Variants in RAD17 observed in about 807,000 individuals in gnomAD.
RAD17 encodes RAD17 checkpoint clamp loader component, also known as cell cycle checkpoint protein RAD17.
RAD17 carries 31 observed loss-of-function variants against 81.5 expected under a neutral mutation model. The ratio of observed to expected loss-of-function variants is 0.38; its 90% CI spans 0.29 to 0.51. RAD17 has a LOEUF of 0.51. Ranked by LOEUF, RAD17 falls within the 20% of genes least tolerant of loss-of-function variation. The pLI, the probability that RAD17 is intolerant of heterozygous loss-of-function variation, is 0.88. For missense variants in RAD17, 681 were observed against 781.2 expected (o/e 0.87, Z 1.53); for synonymous variants, 261 against 266.2 (o/e 0.98, Z 0.19).
At chr5:69,399,605 G>A (rs1765124519) in intron 16 of RAD17, among the ~76,000 whole-genome samples, 1 of 151,892 alleles carries the variant, frequency 6.6e-6, no homozygotes, top group Non-Finnish European at 1.5e-5. Context: ...TATTAATTTT[G>A]CATTGTTGCT....
In RAD17 at chr5:69,369,858, G is replaced by C; in HGVS notation, c.-492G>C. The C allele has an allele frequency of 1.4e-6, 1 of 720,058 alleles. No homozygotes were observed. The highest frequency in any genetic ancestry group is 2.3e-6 in the Non-Finnish European group (1 of 433,322). 44.6% of individuals were successfully genotyped at this position (720,058 alleles called of 1,614,324 possible). A position where few individuals can be genotyped will look rare whatever the true frequency, so the allele number is the denominator to read the frequency against. Reference sequence around the variant, plus strand: ...TCGGCGTTGAGCCCGGGTAGGGCCAGGTGGCTGCCCTTTCACCTAGGGTAG... The same window carrying C: ...TCGGCGTTGAGCCCGGGTAGGGCCACGTGGCTGCCCTTTCACCTAGGGTAG... On this transcript the variant is annotated 5_prime_UTR_variant, in exon 1 of 19. Coordinates refer to ENST00000354868, the MANE Select transcript of RAD17 (RefSeq NM_133338.3).
At chr5:69,396,901 C>T (rs577793854) in intron 16 of RAD17, among the ~76,000 whole-genome samples, 44 of 152,238 alleles carry the variant, frequency 2.9e-4, no homozygotes, top group African/African-American at 7.9e-4. Context: ...GGCATGATCT[C>T]GGCTCACTGC....
intron 17 of RAD17, among the ~76,000 whole-genome samples, chr5:69,401,203 CTCAGAAAAAAGAAAAAAGTT>C (rs1765243910): frequency 6.6e-6 from 1 of 152,122 alleles, no homozygotes; most frequent in Non-Finnish European, 1.5e-5. Context: ...GCAAGACTGT[CTCAGAAAAAAGAAAAAAGTT>C]TCTAAAGTAA....
At chr5:69,387,734 A>G (rs1580390135) in intron 11 of RAD17, among the ~76,000 whole-genome samples, 1 of 152,022 alleles carries the variant, frequency 6.6e-6, no homozygotes. Flanking sequence ...GCGGGTACCT[A>G]TAATCCCAGC....
At chr5:69,403,325 C>T (rs1244364548) in intron 17 of RAD17, among the ~76,000 whole-genome samples, 1 of 152,100 alleles carries the variant, frequency 6.6e-6, no homozygotes, top group Non-Finnish European at 1.5e-5. Flanking sequence ...TACGATCCCT[C>T]AATTTGGGTT....
rs143837506 is a variant in RAD17 at position 69,384,860 on chromosome 5, G to C, written c.572G>C (p.Arg191Thr). 1.7e-4 allele frequency: 279 copies of C among 1,612,280 alleles called. No homozygotes were observed. Among genetic ancestry groups the C allele is most frequent in the Non-Finnish European group, 2.2e-4 (259 of 1,178,840 alleles). The change falls in exon 8 of 19, where the codon AGA becomes ACA. Residue 191 changes from arginine to threonine, a missense_variant. Physicochemically the swap from Arg to Thr is moderately conservative, Grantham distance 71. Transcript: ENST00000354868. Reference protein sequence around the residue: ...QIAVFKEFLLRATKYNKLQML... With the variant: ...QIAVFKEFLLTATKYNKLQML... ...GCAGTTTTCAAAGAGTTTCTACTAA[G>C]AGCGACAAAGTATAACAAGTTACAA...
At chr5:69,381,038 G>C (rs953603825) in intron 6 of RAD17, among the ~76,000 whole-genome samples, 15 of 151,832 alleles carry the variant, frequency 9.9e-5, no homozygotes, top group African/African-American at 3.6e-4. Context: ...CAAAATGCTG[G>C]GATTACAGGT....
At chr5:69,385,195 C>T (rs1393557636) in intron 8 of RAD17, among the ~76,000 whole-genome samples, 3 of 150,732 alleles carry the variant, frequency 2.0e-5, no homozygotes, top group South Asian at 2.1e-4. Flanking sequence ...CTCCTGACCT[C>T]ATGATATGCC....
In RAD17 at chr5:69,414,265, A is replaced by G. The variant is rs979476567; in HGVS notation, c.1986A>G (p.Ile662Met). The part of the protein sequence containing the change: ...AQGDMEENII[I>M]EDYESDGT ...GAGACATGGAAGAAAACATAATAATAGAAGACTACGAGAGTGATGGGACAT... is the reference window on the plus strand; with the variant it reads ...GAGACATGGAAGAAAACATAATAATGGAAGACTACGAGAGTGATGGGACAT... The change falls in exon 19 of 19, where the codon ATA becomes ATG. Residue 662 changes from isoleucine to methionine, a missense_variant. Transcript: ENST00000354868. 4 of 1,614,066 alleles carry G rather than the reference A, an allele frequency of 2.5e-6. No individual in the cohort carries two copies. The African/African-American group carries it at 4.0e-5, about 16-fold the overall frequency.
intron 6 of RAD17, among the ~76,000 whole-genome samples, chr5:69,381,061 G>A (rs1250369234): frequency 6.6e-6 from 1 of 151,972 alleles, no homozygotes; most frequent in Non-Finnish European, 1.5e-5. Flanking sequence ...GAGCCGCCGT[G>A]CTCTTCCCAA....
rs1764387907 is a variant in RAD17, at chr5:69,389,081, C to G, written c.942C>G (p.Leu314=). 6.4e-7 allele frequency: 1 copy of G among 1,559,532 alleles called. No individual in the cohort carries two copies. Among genetic ancestry groups the G allele is most frequent in the Non-Finnish European group, 8.7e-7 (1 of 1,153,364 alleles). ...TVPDKTSLEL[L]CQGCSGDIRS... ...CTGACAAAACTTCTCTAGAGTTGCT[C>G]TGTCAGGGATGTTCTGGTGATATCA... is the stretch of plus-strand genomic sequence containing the variant. Residue 314 remains leucine (L), a synonymous_variant, in exon 12 of 19, where the codon CTC becomes CTG. Transcript: ENST00000354868.
chr5:69,387,473 A>T (rs530840796), intron 11 of RAD17, among the ~76,000 whole-genome samples: 3 of 152,078 alleles, frequency 2.0e-5, no homozygotes, highest in Non-Finnish European at 2.9e-5. Flanking sequence ...AATAAATAAC[A>T]GATATTAATA....
chr5:69,407,155 A>G (rs942688094), intron 17 of RAD17, among the ~76,000 whole-genome samples: 24 of 152,016 alleles, frequency 1.6e-4, no homozygotes, highest in Middle Eastern at 6.8e-3. Context: ...GGCGCATACC[A>G]CCACACCCAG....
Position 69,374,720 on chromosome 5 carries a change from G to A in RAD17, c.351+9G>A. The A allele has an allele frequency of 1.3e-6, 2 of 1,586,124 alleles. No individual in the cohort carries two copies. The highest frequency in any genetic ancestry group is 1.1e-5 in the South Asian group (1 of 87,906). ...AAAGGCAACCAAAACAGGTAACTAA[G>A]AAATGTGTTTTTAAATATTTAACAT... On this transcript the variant is annotated intron_variant, in intron 6 of 18. Coordinates refer to ENST00000354868, the MANE Select transcript of RAD17 (RefSeq NM_133338.3).
rs1398970917 is a variant in RAD17, at chr5:69,384,779, TTA to T, written c.509-16_509-15del. 6.3e-7 allele frequency: 1 copy of T among 1,591,508 alleles called. No homozygotes were observed. Among genetic ancestry groups the T allele is most frequent in the Non-Finnish European group, 8.6e-7 (1 of 1,167,972 alleles). The stretch of plus-strand genomic sequence containing the variant: ...TATCATTTGTTGAAAATAAAAGTGG[TTA>T]TGTGTTTCCTTTCAGAATCAAGCTT... On this transcript the variant is annotated splice_polypyrimidine_tract_variant and intron_variant, in intron 7 of 18. Coordinates refer to ENST00000354868, the MANE Select transcript of RAD17 (RefSeq NM_133338.3).
At chr5:69,371,200 GTTTT>G (rs376841818) in intron 2 of RAD17, 29 bp downstream of exon 2, 1 of 382,012 alleles carries the variant, frequency 2.6e-6, no homozygotes, top group African/African-American at 2.2e-5. Context: ...TGGTTTTTTT[GTTTT>G]TTTTTTTCTA....
In RAD17 at chr5:69,382,838, C is replaced by T. The variant is rs17236282; in HGVS notation, c.508+781C>T. On this transcript the variant is annotated intron_variant, in intron 7 of 18. Coordinates refer to ENST00000354868, the MANE Select transcript of RAD17 (RefSeq NM_133338.3). The stretch of plus-strand genomic sequence containing the variant: ...TTTTATTTTTTTTGAGACAGAGTCT[C>T]ACTCTGTCGCCCAGGCTGGAGTACA... Among the ~76,000 whole-genome samples the T allele has an allele frequency of 2.3e-3, 345 of 152,226 alleles. 3 individuals carry two copies. Among genetic ancestry groups the T allele is most frequent in the Non-Finnish European group, 3.3e-3 (223 of 68,018 alleles).
At chr5:69,377,443 A>ATATATATATATATATATG (rs1561238543) in intron 6 of RAD17, among the ~76,000 whole-genome samples, 8 of 7,256 alleles carry the variant, frequency 1.1e-3, no homozygotes, top group East Asian at 9.9e-3. Flanking sequence ...GTGTGTGTAT[A>ATATATATATATATATATG]TATATATATA....
rs769186588 is a variant in RAD17 at position 69,371,534 on chromosome 5, A to G, written c.-199A>G. 6.9e-7 allele frequency: 1 copy of G among 1,452,084 alleles called. No homozygotes were observed. Among genetic ancestry groups the G allele is most frequent in the South Asian group, 1.5e-5 (1 of 64,676 alleles). 89.9% of individuals were successfully genotyped at this position (1,452,084 alleles called of 1,614,324 possible). On this transcript the variant is annotated 5_prime_UTR_variant, in exon 3 of 19. It removes the in-frame stop codon of an upstream open reading frame in the 5' UTR. Transcript: ENST00000354868. ...GTTTATAATGTCAAAAACTTTTCTT[A>G]GACCAAAGGTATCTTCCACAAAGGT...
Sources: allele counts gnomAD v4.1 joint callset (sites outside exome capture counted in the v4.1 genomes callset), GRCh38; gene constraint gnomAD v4.1.1; transcripts MANE v1.5; gene names NCBI Gene and HGNC (gene_info 2026-07-23, HGNC 2026-07-21).